The following RPTOR variants were observed in gnomAD, a reference collection of about 807,000 sequenced individuals.
RPTOR encodes regulatory-associated protein of mTOR.
Under a neutral mutation model 169.9 loss-of-function variants are expected in RPTOR, and 21 were observed. The observed-to-expected ratio is 0.12, with a 90% CI of 0.09 to 0.18. RPTOR has a LOEUF of 0.18. Among genes scored for constraint, RPTOR ranks in the 10% least tolerant of loss-of-function variants. The probability of loss-of-function intolerance (pLI) is 1.00; values close to 1 mark genes in which losing one functional copy is unlikely to be tolerated. For synonymous variants in RPTOR, 732 were observed against 753.2 expected, an observed-to-expected ratio of 0.97 and a Z score of 0.46; for missense variants, 1,133 against 1,855.9, an observed-to-expected ratio of 0.61 and a Z score of 7.16.
intron 7 of RPTOR, 48 bp from the exon 8 acceptor site, chr17:80,822,153 G>GCT (rs770205003): frequency 7.0e-6 from 11 of 1,566,804 alleles, no homozygotes; most frequent in Non-Finnish European, 8.8e-6. Flanking sequence ...TCCATTCCCT[G>GCT]CTCTCAGAGC....
rs981625877 is a variant in RPTOR at position 80,722,620 on chromosome 17, C to A, written c.508-7940C>A. 2.0e-5 allele frequency among the ~76,000 whole-genome samples: 3 copies of A among 151,114 alleles called. 1 individual carries two copies. Among genetic ancestry groups the A allele is most frequent in the African/African-American group, 7.4e-5 (3 of 40,424 alleles). ...GAGGTGACTATGTGTTCAGTAATTT[C>A]TGGAGAGCAGTTAGGATCAAAACTA... On this transcript the variant is annotated intron_variant, in intron 4 of 33. Transcript: ENST00000306801.
intron 6 of RPTOR, among the ~76,000 whole-genome samples, chr17:80,780,088 G>A (rs975923983): frequency 6.6e-6 from 1 of 152,136 alleles, no homozygotes; most frequent in African/African-American, 2.4e-5. Flanking sequence ...TTCAGCCAGC[G>A]GTGTTCTCAT....
intron 2 of RPTOR, among the ~76,000 whole-genome samples, chr17:80,627,988 G>A (rs1390964625): frequency 6.6e-6 from 1 of 151,934 alleles, no homozygotes; most frequent in Non-Finnish European, 1.5e-5. Context: ...ACAAGCATGC[G>A]CCTCCACGCC....
At position 80,673,845 on chromosome 17, in the gene RPTOR, T is replaced by C. The variant is rs372394180; in HGVS notation, c.348+30035T>C. On this transcript the variant is annotated intron_variant, in intron 3 of 33. Transcript: ENST00000306801. The stretch of plus-strand genomic sequence containing the variant: ...CTCAACTGTAATTATTCAGTCAGAA[T>C]TGTGTAAGCGCGATGGAGAGGTCTG... Among the ~76,000 whole-genome samples, 9 of 152,346 alleles carry C rather than the reference T, an allele frequency of 5.9e-5. No homozygotes were observed. The East Asian group carries it at 1.3e-3, about 23-fold the overall frequency.
chr17:80,640,726 G>A (rs1354805979), intron 2 of RPTOR, among the ~76,000 whole-genome samples: 1 of 152,180 alleles, frequency 6.6e-6, no homozygotes, highest in African/African-American at 2.4e-5. Flanking sequence ...CTGGGGAGAG[G>A]GTGGGATGGG....
chr17:80,796,731 T>C (rs1490307205), intron 7 of RPTOR, among the ~76,000 whole-genome samples: 1 of 152,236 alleles, frequency 6.6e-6, no homozygotes, highest in Non-Finnish European at 1.5e-5. Flanking sequence ...GAGTCACTGT[T>C]CTCTGAATGC....
At chr17:80,821,593 G>A (rs1472536625) in intron 7 of RPTOR, among the ~76,000 whole-genome samples, 2 of 152,128 alleles carry the variant, frequency 1.3e-5, no homozygotes, top group African/African-American at 2.4e-5. Flanking sequence ...ACTCTCTGTC[G>A]TATTTGTCTC....
chr17:80,583,585 C>T (rs1285430826), intron 1 of RPTOR, among the ~76,000 whole-genome samples: 1 of 151,638 alleles, frequency 6.6e-6, no homozygotes, highest in Non-Finnish European at 1.5e-5. Flanking sequence ...TACCTCTGGG[C>T]CCAGCACCTA....
rs1261722236 is a variant in RPTOR, at chr17:80,754,670, G to A, written c.830+485G>A. Among the ~76,000 whole-genome samples the A allele has an allele frequency of 6.6e-6, 1 of 152,184 alleles. No homozygotes were observed. The highest frequency in any genetic ancestry group is 2.4e-5 in the African/African-American group (1 of 41,440). On this transcript the variant is annotated intron_variant, in intron 6 of 33. Coordinates refer to ENST00000306801, the MANE Select transcript of RPTOR (RefSeq NM_020761.3). The surrounding 1 kb of genome is among the most constrained non-coding windows in gnomAD (Gnocchi z 4.2). ...CCGTCGGGAACATAACTGAAGAAATGTGTGTGATATTCCAAGATGGTAGAA... is the reference window on the plus strand; with the variant it reads ...CCGTCGGGAACATAACTGAAGAAATATGTGTGATATTCCAAGATGGTAGAA...
chr17:80,611,769 T>TTTA (rs1555596038), intron 1 of RPTOR, among the ~76,000 whole-genome samples: 6 of 142,682 alleles, frequency 4.2e-5, no homozygotes, highest in Non-Finnish European at 6.2e-5. Context: ...TTTTTTTTTT[T>TTTA]AAAAAAAACA....
chr17:80,872,890 C>T (rs932502320), intron 13 of RPTOR, among the ~76,000 whole-genome samples: 1 of 152,162 alleles, frequency 6.6e-6, no homozygotes, highest in African/African-American at 2.4e-5. Flanking sequence ...GATGGTTAGG[C>T]TGCTTGGAAC....
chr17:80,710,998 AG>A (rs1186980944), intron 4 of RPTOR, among the ~76,000 whole-genome samples: 1 of 152,180 alleles, frequency 6.6e-6, no homozygotes, highest in African/African-American at 2.4e-5. Flanking sequence ...TTGTTTGTGG[AG>A]AGTTTTTGAC....
intron 6 of RPTOR, among the ~76,000 whole-genome samples, chr17:80,787,039 G>A (rs921357046): frequency 5.9e-5 from 9 of 152,054 alleles, no homozygotes; most frequent in South Asian, 4.1e-4. Context: ...CGCCCACCAC[G>A]CAGGGCGCCC....
At chr17:80,665,416 TCC>T (rs772155163) in intron 3 of RPTOR, among the ~76,000 whole-genome samples, 694 of 11,326 alleles carry the variant, frequency 0.061, 55 homozygotes, top group Non-Finnish European at 0.074. Context: ...TCCTTTCCTT[TCC>T]TTTCCTTTCC....
intron 1 of RPTOR, among the ~76,000 whole-genome samples, chr17:80,580,760 C>G (rs2065007029): frequency 6.6e-6 from 1 of 152,094 alleles, no homozygotes; most frequent in African/African-American, 2.4e-5. Context: ...GTAGCTGGGA[C>G]CACAGGTGCA....
chr17:80,777,277 G>T (rs1445811874), intron 6 of RPTOR, among the ~76,000 whole-genome samples: 1 of 151,944 alleles, frequency 6.6e-6, no homozygotes, highest in African/African-American at 2.4e-5. Flanking sequence ...GGGAGCGGAG[G>T]CCAGTGTGGG....
At chr17:80,674,141 C>A (rs1413733672) in intron 3 of RPTOR, among the ~76,000 whole-genome samples, 1 of 152,194 alleles carries the variant, frequency 6.6e-6, no homozygotes, top group Non-Finnish European at 1.5e-5. Flanking sequence ...TCAATTTTAG[C>A]GGAATTTGTG....
Position 80,663,913 on chromosome 17 carries a change from T to A in RPTOR, c.348+20103T>A, listed in dbSNP as rs149175261. 1.0e-3 allele frequency among the ~76,000 whole-genome samples: 154 copies of A among 152,232 alleles called. 1 individual carries two copies. The highest frequency in any genetic ancestry group is 3.6e-3 in the African/African-American group (150 of 41,536). On this transcript the variant is annotated intron_variant, in intron 3 of 33. Coordinates refer to ENST00000306801, the MANE Select transcript of RPTOR (RefSeq NM_020761.3). Reference sequence around the variant, plus strand: ...GAAGCATCCTCCGCTGGGTGTTTGTTCTGAGGCTCATCTCACAAGGATCTG... The same window carrying A: ...GAAGCATCCTCCGCTGGGTGTTTGTACTGAGGCTCATCTCACAAGGATCTG...
chr17:80,704,053 C>T (rs1433518065), intron 3 of RPTOR, among the ~76,000 whole-genome samples: 2 of 152,114 alleles, frequency 1.3e-5, no homozygotes, highest in South Asian at 2.1e-4. Context: ...GAGACATGGG[C>T]GAGATGGGGC....
Sources: gnomAD v4.1 joint callset for allele counts (sites outside exome capture counted in the v4.1 genomes callset) on GRCh38, gnomAD v4.1.1 for gene constraint, Gnocchi (gnomAD v3.1) non-coding constraint, MANE v1.5 for transcripts, NCBI Gene and HGNC (gene_info 2026-07-23, HGNC 2026-07-21) for gene names.